Variants in SYT9 observed in about 807,000 individuals in gnomAD.
The protein encoded by SYT9 is synaptotagmin 9.
A neutral mutation model predicts 48.4 loss-of-function variants in SYT9; 22 were observed. The ratio of observed to expected loss-of-function variants is 0.45; its 90% CI spans 0.32 to 0.65. The LOEUF is 0.65. SYT9 is among the 30% of genes least tolerant of loss of function. SYT9 has a pLI of 0.03. For synonymous variants in SYT9, 265 were observed against 245.0 expected (o/e 1.08, Z -0.76); for missense variants, 577 against 622.0 (o/e 0.93, Z 0.77).
intron 1 of SYT9, among the ~76,000 whole-genome samples, chr11:7,291,691 G>GA (rs35813527): frequency 0.26 from 38,489 of 146,244 alleles, 5,726 homozygotes; most frequent in South Asian, 0.4. Flanking sequence ...GTGCTCTGGG[G>GA]AAAAAAAAAA....
chr11:7,328,287 A>G (rs1160844108), intron 3 of SYT9, among the ~76,000 whole-genome samples: 1 of 152,016 alleles, frequency 6.6e-6, no homozygotes, highest in Non-Finnish European at 1.5e-5. Flanking sequence ...CATTGTGATT[A>G]TAAATACATG....
chr11:7,265,550 A>G (rs1283897688), intron 1 of SYT9, among the ~76,000 whole-genome samples: 1 of 152,140 alleles, frequency 6.6e-6, no homozygotes, highest in Non-Finnish European at 1.5e-5. Context: ...GTGGTTTACA[A>G]TTACTTTTTA....
At chr11:7,411,447 C>T (rs767150328) in intron 3 of SYT9, among the ~76,000 whole-genome samples, 1 of 152,186 alleles carries the variant, frequency 6.6e-6, no homozygotes, top group African/African-American at 2.4e-5. Context: ...TAAATTCCCT[C>T]AGCATTTTCT....
chr11:7,350,031 A>G (rs1213950640), intron 3 of SYT9, among the ~76,000 whole-genome samples: 1 of 148,912 alleles, frequency 6.7e-6, no homozygotes, highest in Non-Finnish European at 1.5e-5. Flanking sequence ...CACTCATGCC[A>G]GGGGGGGACC....
chr11:7,385,151 A>C (rs1850633484), intron 3 of SYT9, among the ~76,000 whole-genome samples: 1 of 151,956 alleles, frequency 6.6e-6, no homozygotes, highest in Non-Finnish European at 1.5e-5. Flanking sequence ...TGTATAATTT[A>C]TTTTGCTCAT....
At chr11:7,323,861 A>G (rs1849380604) in intron 3 of SYT9, among the ~76,000 whole-genome samples, 1 of 149,426 alleles carries the variant, frequency 6.7e-6, no homozygotes, top group Admixed American at 6.7e-5. Flanking sequence ...TTTTGTGACT[A>G]AACTTGTGAG....
Position 7,432,576 on chromosome 11 carries a change from AAAAAAAATATATATACATATAT to A in SYT9, c.1467+11943_1467+11964del, listed in dbSNP as rs1847614047. Among the ~76,000 whole-genome samples, 25 of 11,998 alleles carry A rather than the reference AAAAAAAATATATATACATATAT, an allele frequency of 2.1e-3. 1 individual carries two copies. Among genetic ancestry groups the A allele is most frequent in the Admixed American group, 5.8e-3 (5 of 868 alleles). 7.9% of individuals were successfully genotyped at this position (11,998 alleles called of 152,430 possible). ...AAAAAAAAAAAAAAAAAAAAAAAAA[AAAAAAAATATATATACATATAT>A]ATATATATATATATATATATATATA... On this transcript the variant is annotated intron_variant, in intron 6 of 6. Transcript: ENST00000318881.
chr11:7,466,383 C>A (rs1367930207), intron 6 of SYT9, among the ~76,000 whole-genome samples: 1 of 152,096 alleles, frequency 6.6e-6, no homozygotes, highest in African/African-American at 2.4e-5. Context: ...GCTTAGTATC[C>A]CCAGCATCTA....
chr11:7,250,447 C>T (rs531084661), upstream of SYT9, among the ~76,000 whole-genome samples: 5 of 118,786 alleles, frequency 4.2e-5, no homozygotes, highest in South Asian at 6.2e-4. Flanking sequence ...ATGTCCCCCC[C>T]GCCACCCCCC....
upstream of SYT9, among the ~76,000 whole-genome samples, chr11:7,249,104 C>T (rs1847828843): frequency 6.6e-6 from 1 of 152,072 alleles, no homozygotes; most frequent in Non-Finnish European, 1.5e-5. Flanking sequence ...ACCTTTATGA[C>T]CTCATTTACT....
At position 7,343,656 on chromosome 11, in the gene SYT9, G is replaced by A. The variant is rs149801704; in HGVS notation, c.1044+29715G>A. 2.3e-4 allele frequency among the ~76,000 whole-genome samples: 35 copies of A among 152,092 alleles called. No homozygotes were observed. In the East Asian group the frequency reaches 4.6e-3, roughly 20 times the overall value. ...CTCCAAACTGTTCCAACCTCTGCCC[G>A]TTACCCAGTTCCAAAGTCACTTCCA... On this transcript the variant is annotated intron_variant, in intron 3 of 6. Transcript: ENST00000318881.
chr11:7,295,835 TGATTAGTAGTTCCTTGAGGGCAAG>T (rs1415134453), intron 1 of SYT9, among the ~76,000 whole-genome samples: 1 of 152,234 alleles, frequency 6.6e-6, no homozygotes, highest in East Asian at 1.9e-4. Context: ...GAAATTTTCT[TGATTAGTAGTTCCTTGAGGGCAAG>T]GATTCGTTTT....
intron 3 of SYT9, among the ~76,000 whole-genome samples, chr11:7,407,049 G>T (rs1847028749): frequency 6.6e-6 from 1 of 151,584 alleles, no homozygotes; most frequent in South Asian, 2.1e-4. Flanking sequence ...ATATTATTTG[G>T]GTTTTTAAAA....
chr11:7,360,884 A>T lies in SYT9; in HGVS notation c.1044+46943A>T, dbSNP rs765556839. On this transcript the variant is annotated intron_variant, in intron 3 of 6. Transcript: ENST00000318881. ...AAATAACTGATTTGATTGATCTAAT[A>T]GTTATAATTTTTTCAAGTTATCTAT... Among the ~76,000 whole-genome samples, 10 of 152,268 alleles carry T rather than the reference A, an allele frequency of 6.6e-5. No homozygotes were observed. The South Asian group carries it at 8.3e-4, about 13-fold the overall frequency.
At chr11:7,295,501 A>G (rs1848784163) in intron 1 of SYT9, among the ~76,000 whole-genome samples, 1 of 152,196 alleles carries the variant, frequency 6.6e-6, no homozygotes, top group African/African-American at 2.4e-5. Flanking sequence ...ATGGGCACAT[A>G]AGTATTCTGC....
upstream of SYT9, among the ~76,000 whole-genome samples, chr11:7,250,865 G>C (rs1448944781): frequency 6.6e-6 from 1 of 151,902 alleles, no homozygotes; most frequent in African/African-American, 2.4e-5. Context: ...TCTAGAGTGG[G>C]GGCCTGAACA....
chr11:7,399,705 G>T (rs546999865), intron 3 of SYT9, among the ~76,000 whole-genome samples: 1 of 151,608 alleles, frequency 6.6e-6, no homozygotes, highest in Non-Finnish European at 1.5e-5. Context: ...TCCTCTATAG[G>T]AACAAAGGAT....
chr11:7,278,386 AG>A (rs1848436634), intron 1 of SYT9, among the ~76,000 whole-genome samples: 1 of 152,328 alleles, frequency 6.6e-6, no homozygotes, highest in South Asian at 2.1e-4. Flanking sequence ...TGAGTTTTGG[AG>A]GAGACATTCA....
chr11:7,407,263 C>T (rs938992043), intron 3 of SYT9, among the ~76,000 whole-genome samples: 1 of 151,710 alleles, frequency 6.6e-6, no homozygotes, highest in African/African-American at 2.4e-5. Flanking sequence ...TTCAGGCAGG[C>T]CTTAGCCATG....
Sources: gnomAD v4.1 joint callset for allele counts (sites outside exome capture counted in the v4.1 genomes callset) on GRCh38, gnomAD v4.1.1 for gene constraint, MANE v1.5 for transcripts, NCBI Gene and HGNC (gene_info 2026-07-23, HGNC 2026-07-21) for gene names.